DMTN: variants seen among roughly 807,000 people sequenced by gnomAD.
DMTN encodes the protein dematin actin binding protein.
Under a neutral mutation model 59.4 loss-of-function variants are expected in DMTN, and 27 were observed. The observed-to-expected ratio is 0.45, with a 90% CI of 0.33 to 0.63. The LOEUF is 0.63. Ranked by LOEUF, DMTN falls within the 20% of genes least tolerant of loss-of-function variation. The pLI, the probability that DMTN is intolerant of heterozygous loss-of-function variation, is 0.02. For missense variants in DMTN, 451 were observed against 528.9 expected (o/e 0.85, Z 1.45); for synonymous variants, 221 against 203.7 (o/e 1.08, Z -0.72).
At chr8:22,065,149 G>A (rs1809545308) in intron 1 of DMTN, among the ~76,000 whole-genome samples, 2 of 152,154 alleles carry the variant, frequency 1.3e-5, no homozygotes, top group Non-Finnish European at 2.9e-5. Flanking sequence ...TCCCACCTCA[G>A]TCTCCAGAGT....
Position 22,080,261 on chromosome 8 carries a change from A to G in DMTN, c.900+17A>G, listed in dbSNP as rs1823256603. 1.2e-6 allele frequency: 2 copies of G among 1,614,118 alleles called. No homozygotes were observed. The highest frequency in any genetic ancestry group is 8.5e-7 in the Non-Finnish European group (1 of 1,179,940). On this transcript the variant is annotated intron_variant, in intron 11 of 15. Coordinates refer to ENST00000358242, the MANE Select transcript of DMTN (RefSeq NM_001387751.1). ...CTGAGCCGGGTAAGGTCTCAGGACC[A>G]GAGATATAGACTACGTGGGAGGAAC...
At chr8:22,049,631 C>G (rs568802445), upstream of DMTN, among the ~76,000 whole-genome samples, 68 of 149,886 alleles carry the variant, frequency 4.5e-4, no homozygotes, top group Non-Finnish European at 8.6e-4. Context: ...AGTGAGCGCT[C>G]TCTTCTGGGG....
At chr8:22,055,200 A>T (rs551349200), upstream of DMTN, among the ~76,000 whole-genome samples, 31 of 150,296 alleles carry the variant, frequency 2.1e-4, no homozygotes, top group African/African-American at 7.6e-4. Flanking sequence ...GCTCATTCCA[A>T]CTCTACCTCT....
intron 4 of DMTN, among the ~76,000 whole-genome samples, chr8:22,067,897 T>G (rs2130942775): frequency 6.6e-6 from 1 of 152,134 alleles, no homozygotes; most frequent in East Asian, 1.9e-4. Context: ...TGTAGAGGGG[T>G]GGACACCTTT....
In DMTN at chr8:22,060,461, A is replaced by G. The variant is rs1210364993; in HGVS notation, c.-172+3325A>G. Reference sequence around the variant, plus strand: ...CTCACACATGCGCACGCACACACACATATACACACACTCTTCTCCACCCCC... The same window carrying G: ...CTCACACATGCGCACGCACACACACGTATACACACACTCTTCTCCACCCCC... On this transcript the variant is annotated intron_variant, in intron 1 of 15. Transcript: ENST00000358242. This position sits in a 1 kb window ranked among gnomAD's most constrained non-coding sequence, Gnocchi z 5.0. 1.3e-5 allele frequency among the ~76,000 whole-genome samples: 2 copies of G among 152,130 alleles called. No homozygotes were observed. Among genetic ancestry groups the G allele is most frequent in the East Asian group, 3.9e-4 (2 of 5,178 alleles).
At chr8:22,074,790 G>A (rs980646715) in intron 10 of DMTN, among the ~76,000 whole-genome samples, 18 of 152,104 alleles carry the variant, frequency 1.2e-4, no homozygotes, top group African/African-American at 3.9e-4. Flanking sequence ...TTTGAATGGC[G>A]TGGCCCACTA....
upstream of DMTN, among the ~76,000 whole-genome samples, chr8:22,056,468 G>T (rs1042298603): frequency 2.6e-5 from 4 of 152,086 alleles, no homozygotes; most frequent in South Asian, 2.1e-4. Flanking sequence ...GGCATTGTCC[G>T]CCTGGGTCAT....
intron 1 of DMTN, among the ~76,000 whole-genome samples, chr8:22,062,623 C>T (rs1315536414): frequency 2.0e-5 from 3 of 152,182 alleles, no homozygotes; most frequent in Admixed American, 2.0e-4. Context: ...TATCACACTT[C>T]TTGGAAGGGC....
rs1449762022 is a variant in DMTN at position 22,060,654 on chromosome 8, G to T, written c.-172+3518G>T. 1.3e-5 allele frequency among the ~76,000 whole-genome samples: 2 copies of T among 152,248 alleles called. No homozygotes were observed. The highest frequency in any genetic ancestry group is 4.8e-5 in the African/African-American group (2 of 41,474). On this transcript the variant is annotated intron_variant, in intron 1 of 15. Transcript: ENST00000358242. This position sits in a 1 kb window ranked among gnomAD's most constrained non-coding sequence, Gnocchi z 5.0. ...CATGCTCTCTAACAAATGGCAGGGG[G>T]TGGCACCAGGGTGCAGGGCCCTGGC...
At chr8:22,065,618 G>A (rs892455770) in intron 1 of DMTN, among the ~76,000 whole-genome samples, 1 of 151,986 alleles carries the variant, frequency 6.6e-6, no homozygotes, top group African/African-American at 2.4e-5. Context: ...CGAGGCAGGC[G>A]GATCACTTGA....
At chr8:22,051,311 C>T (rs1020945156), upstream of DMTN, among the ~76,000 whole-genome samples, 1 of 152,186 alleles carries the variant, frequency 6.6e-6, no homozygotes, top group Non-Finnish European at 1.5e-5. Context: ...CCCTGTCCTC[C>T]AAACAGCCAG....
At chr8:22,062,437 T>G (rs1203089173) in intron 1 of DMTN, among the ~76,000 whole-genome samples, 1 of 152,128 alleles carries the variant, frequency 6.6e-6, no homozygotes, top group Admixed American at 6.5e-5. Flanking sequence ...AAGCCAGTCT[T>G]GTACTTGGCT....
intron 5 of DMTN, 120 bp from the exon 6 acceptor site, chr8:22,069,299 G>C (rs1014698090): frequency 1.0e-6 from 1 of 959,346 alleles, no homozygotes; most frequent in Middle Eastern, 2.3e-4. Context: ...CATTGCCCTG[G>C]GTTTGGAGGG....
rs964532299 is a variant in DMTN at position 22,080,946 on chromosome 8, G to A, written c.1023+76G>A. 18 of 1,512,388 alleles carry A rather than the reference G, an allele frequency of 1.2e-5. 1 individual carries two copies. The highest frequency in any genetic ancestry group is 4.1e-5 in the African/African-American group (3 of 73,050). 93.7% of individuals were successfully genotyped at this position (1,512,388 alleles called of 1,614,324 possible). Reference sequence around the variant, plus strand: ...ATGCCAGGCAAGTGGAATGTGCTGCGGGGTCTTCCTGGTGTTGAAGATGGG... The same window carrying A: ...ATGCCAGGCAAGTGGAATGTGCTGCAGGGTCTTCCTGGTGTTGAAGATGGG... On this transcript the variant is annotated intron_variant, in intron 14 of 15. Coordinates refer to ENST00000358242, the MANE Select transcript of DMTN (RefSeq NM_001387751.1).
chr8:22,080,092 C>A, intron 10 of DMTN, 88 bp from the exon 11 acceptor site: 1 of 1,499,092 alleles, frequency 6.7e-7, no homozygotes, highest in Non-Finnish European at 9.3e-7. Flanking sequence ...TGCCCTGCCC[C>A]AGCTGTGGAA....
chr8:22,072,551 GCTCCCA>G, intron 9 of DMTN, 101 bp downstream of exon 9: 1 of 1,285,018 alleles, frequency 7.8e-7, no homozygotes, highest in Non-Finnish European at 1.0e-6. Flanking sequence ...TGCAACCTCC[GCTCCCA>G]GGTTCAAGTG....
At chr8:22,053,175 G>C (rs533990486), upstream of DMTN, among the ~76,000 whole-genome samples, 1 of 152,348 alleles carries the variant, frequency 6.6e-6, no homozygotes, top group East Asian at 1.9e-4. Context: ...GCTGAAATTT[G>C]TGTAGAGAAG....
At position 22,080,842 on chromosome 8, in the gene DMTN, A is replaced by G. The variant is rs144534806; in HGVS notation, c.995A>G (p.Asn332Ser). The change falls in exon 14 of 16, where the codon AAC (asparagine) becomes AGC (serine). Residue 332 changes from asparagine (N) to serine (S), a missense_variant. Asn to Ser is a conservative substitution (Grantham distance 46). Coordinates refer to ENST00000358242, the MANE Select transcript of DMTN (RefSeq NM_001387751.1). ...EGQRGRMDRG[N>S]SLPCVLEQKI... The stretch of plus-strand genomic sequence containing the variant: ...CAGAGGGGGAGGATGGACCGGGGGA[A>G]CTCCCTGCCCTGTGTGCTGGAGCAG... The G allele has an allele frequency of 2.5e-6, 4 of 1,594,948 alleles. No homozygotes were observed. The highest frequency in any genetic ancestry group is 3.4e-6 in the Non-Finnish European group (4 of 1,168,134).
At position 22,064,619 on chromosome 8, in the gene DMTN, T is replaced by C. The variant is rs555336596; in HGVS notation, c.-171-2086T>C. On this transcript the variant is annotated intron_variant, in intron 1 of 15. Transcript: ENST00000358242. ...GACTACAGGCGCCCGCCACCACGCC[T>C]AGCTAATTTTTTGTATTTTTAGTAG... 1.2e-3 allele frequency among the ~76,000 whole-genome samples: 184 copies of C among 152,236 alleles called. 1 individual carries two copies. The highest frequency in any genetic ancestry group is 2.2e-3 in the Non-Finnish European group (147 of 68,010).
Sources: allele counts gnomAD v4.1 joint callset (sites outside exome capture counted in the v4.1 genomes callset), GRCh38; gene constraint gnomAD v4.1.1; non-coding constraint Gnocchi (gnomAD v3.1); transcripts MANE v1.5; gene names NCBI Gene and HGNC (gene_info 2026-07-23, HGNC 2026-07-21).